The following TBC1D5 variants were observed in gnomAD, a reference collection of about 807,000 sequenced individuals.
TBC1D5 encodes the protein TBC1 domain family, member 5.
In TBC1D5, 75 loss-of-function variants were observed where a neutral mutation model predicts 100.3. The observed-to-expected ratio is 0.75, with a 90% confidence interval of 0.62 to 0.91. TBC1D5 has a LOEUF of 0.91. TBC1D5 is among the 40% of genes least tolerant of loss of function. The pLI is 0.00. For missense variants in TBC1D5, 910 were observed against 942.4 expected, an observed-to-expected ratio of 0.97 and a Z score of 0.45; for synonymous variants, 323 against 325.6, an observed-to-expected ratio of 0.99 and a Z score of 0.09.
chr3:17,601,288 A>T (rs1247563789), intron 2 of TBC1D5, among the ~76,000 whole-genome samples: 1 of 152,198 alleles, frequency 6.6e-6, no homozygotes, highest in African/African-American at 2.4e-5. Context: ...AGGCGGGTGG[A>T]TCACCTGAGG....
chr3:17,379,557 AG>A (rs1575602079), intron 9 of TBC1D5, among the ~76,000 whole-genome samples: 1 of 152,106 alleles, frequency 6.6e-6, no homozygotes, highest in African/African-American at 2.4e-5. Context: ...GAAGTGGGCA[AG>A]TTCCTAACTT....
intron 15 of TBC1D5, among the ~76,000 whole-genome samples, chr3:17,264,067 G>C (rs2078614984): frequency 6.6e-6 from 1 of 152,090 alleles, no homozygotes; most frequent in Non-Finnish European, 1.5e-5. Context: ...TGTAATGGAA[G>C]TCTGTAGATC....
chr3:17,366,303 C>CAAAA (rs1188688097), intron 13 of TBC1D5, among the ~76,000 whole-genome samples: 2 of 144,454 alleles, frequency 1.4e-5, no homozygotes, highest in African/African-American at 5.1e-5. Flanking sequence ...AACAAACAAA[C>CAAAA]AAAAAAAAAC....
intron 3 of TBC1D5, among the ~76,000 whole-genome samples, chr3:17,462,322 ATTTT>A (rs527597868): frequency 2.3e-5 from 3 of 132,654 alleles, no homozygotes; most frequent in Admixed American, 7.6e-5. Flanking sequence ...TCGGACCTTA[ATTTT>A]TTTTTTTTTT....
At chr3:17,580,561 A>G (rs562340700) in intron 2 of TBC1D5, among the ~76,000 whole-genome samples, 7 of 152,196 alleles carry the variant, frequency 4.6e-5, no homozygotes, top group African/African-American at 1.7e-4. Flanking sequence ...ACTTGTACAC[A>G]CTGCTTTAAC....
intron 2 of TBC1D5, among the ~76,000 whole-genome samples, chr3:17,522,170 A>G (rs558187282): frequency 1.3e-5 from 2 of 152,256 alleles, no homozygotes; most frequent in African/African-American, 4.8e-5. Context: ...AAACTTGAGT[A>G]TCATTGCAAA....
intron 2 of TBC1D5, among the ~76,000 whole-genome samples, chr3:17,586,107 C>G (rs767604655): frequency 3.3e-5 from 5 of 151,982 alleles, no homozygotes; most frequent in Non-Finnish European, 7.4e-5. Context: ...AAACAATGGA[C>G]AAAGGGGAAA....
intron 17 of TBC1D5, 62 bp from the exon 19 acceptor site, chr3:17,214,432 T>C: frequency 6.6e-7 from 1 of 1,515,196 alleles, no homozygotes; most frequent in African/African-American, 1.4e-5. Context: ...CTATTCGATC[T>C]ACTGTTTTTA....
intron 3 of TBC1D5, among the ~76,000 whole-genome samples, chr3:17,484,988 CTA>C (rs2095544475): frequency 2.6e-5 from 4 of 152,000 alleles, no homozygotes; most frequent in Admixed American, 2.6e-4. Context: ...CTGGACAACA[CTA>C]TTATTTAACA....
At chr3:17,521,386 C>A (rs1012135499) in intron 2 of TBC1D5, among the ~76,000 whole-genome samples, 1 of 152,176 alleles carries the variant, frequency 6.6e-6, no homozygotes, top group Non-Finnish European at 1.5e-5. Flanking sequence ...ATTTTCTCTT[C>A]CTTAGGATAT....
chr3:17,391,259 G>C (rs1277553221), intron 8 of TBC1D5, among the ~76,000 whole-genome samples: 1 of 152,078 alleles, frequency 6.6e-6, no homozygotes, highest in Non-Finnish European at 1.5e-5. Flanking sequence ...TTGATCTGAA[G>C]AAAGTATCTT....
chr3:17,395,954 T>G (rs1158604564), intron 8 of TBC1D5, among the ~76,000 whole-genome samples: 2 of 152,140 alleles, frequency 1.3e-5, no homozygotes, highest in African/African-American at 4.8e-5. Flanking sequence ...TAGTAATTAT[T>G]TTGCTTTTAT....
At chr3:17,672,433 T>C (rs1041175008) in intron 1 of TBC1D5, 1 of 152,220 alleles carries the variant, frequency 6.6e-6, no homozygotes, top group Non-Finnish European at 1.5e-5. Flanking sequence ...GTCTTATTTA[T>C]GCACAGATCC....
In TBC1D5 at chr3:17,697,152, C is replaced by T. The variant is rs181272010; in HGVS notation, c.-101+42191G>A. Among the ~76,000 whole-genome samples the T allele has an allele frequency of 3.5e-3, 539 of 152,200 alleles. 4 individuals are homozygous for T. The highest frequency in any genetic ancestry group is 6.1e-3 in the Non-Finnish European group (413 of 68,016). On this transcript the variant is annotated intron_variant, in intron 1 of 21. Transcript: ENST00000253692. ...GACAAACCCACAGCCAATATCATAC[C>T]GAATGGGCAACAACCGGAAGCATTT...
intron 13 of TBC1D5, among the ~76,000 whole-genome samples, chr3:17,332,853 C>T (rs1417849184): frequency 1.3e-5 from 2 of 152,048 alleles, no homozygotes; most frequent in Non-Finnish European, 2.9e-5. Flanking sequence ...GATGACAGGC[C>T]GAGAGTGGTG....
intron 2 of TBC1D5, among the ~76,000 whole-genome samples, chr3:17,615,975 A>T (rs1328743219): frequency 6.6e-6 from 1 of 151,652 alleles, no homozygotes; most frequent in Admixed American, 6.6e-5. Flanking sequence ...TTTAATTGTG[A>T]CGTTAGGGTG....
At position 17,501,294 on chromosome 3, in the gene TBC1D5, T is replaced by C. The variant is rs527449780; in HGVS notation, c.97+7180A>G. ...AATAATGGAGCATTGAGCTGCTTTA[T>C]TGGCTAACACCACACAATGTTTCAC... On this transcript the variant is annotated intron_variant, in intron 3 of 21. Transcript: ENST00000253692. Among the ~76,000 whole-genome samples the C allele has an allele frequency of 2.8e-4, 42 of 149,688 alleles. 5 individuals are homozygous for C. The highest frequency in any genetic ancestry group is 9.9e-4 in the African/African-American group (39 of 39,452).
At chr3:17,549,535 C>T (rs1212849518) in intron 2 of TBC1D5, among the ~76,000 whole-genome samples, 1 of 152,032 alleles carries the variant, frequency 6.6e-6, no homozygotes, top group Non-Finnish European at 1.5e-5. Flanking sequence ...AGAAAACAAG[C>T]CTTTAGTATG....
chr3:17,541,419 C>T (rs2096356009), intron 2 of TBC1D5, among the ~76,000 whole-genome samples: 1 of 151,966 alleles, frequency 6.6e-6, no homozygotes, highest in African/African-American at 2.4e-5. Flanking sequence ...TTTCACTTCC[C>T]TGGTTAATTC....
Sources: allele counts gnomAD v4.1 joint callset (sites outside exome capture counted in the v4.1 genomes callset), GRCh38; gene constraint gnomAD v4.1.1; transcripts MANE v1.5; gene names NCBI Gene and HGNC (gene_info 2026-07-23, HGNC 2026-07-21).